The following SYT1 variants were observed in gnomAD, a reference collection of about 807,000 sequenced individuals.
The protein encoded by SYT1 is synaptotagmin-1.
A neutral mutation model predicts 44.8 loss-of-function variants in SYT1; 8 were observed. The ratio of observed to expected loss-of-function variants is 0.18; its 90% CI spans 0.10 to 0.32. SYT1 has a LOEUF of 0.32. Ranked by LOEUF, SYT1 falls within the 10% of genes least tolerant of loss-of-function variation. SYT1 has a pLI of 1.00. For missense variants in SYT1, 286 were observed against 509.3 expected (o/e 0.56, Z 4.22); for synonymous variants, 154 against 188.8 (o/e 0.82, Z 1.51).
chr12:79,389,889 G>GA (rs1884583586), intron 9 of SYT1, among the ~76,000 whole-genome samples: 1 of 151,782 alleles, frequency 6.6e-6, no homozygotes, highest in Admixed American at 6.6e-5. Flanking sequence ...ATGTCACTAA[G>GA]AACAAAGGAA....
intron 3 of SYT1, among the ~76,000 whole-genome samples, chr12:79,203,617 C>T (rs567808232): frequency 6.6e-6 from 1 of 152,034 alleles, no homozygotes; most frequent in Admixed American, 6.6e-5. Context: ...CTCCCCAAAG[C>T]AGTACTTGTC....
At chr12:78,997,021 A>G (rs1036163813) in intron 2 of SYT1, among the ~76,000 whole-genome samples, 2 of 152,194 alleles carry the variant, frequency 1.3e-5, no homozygotes, top group African/African-American at 4.8e-5. Context: ...AGAGAGAGGG[A>G]TCAAAAGCAA....
At chr12:79,426,737 TA>T (rs1362011063) in intron 9 of SYT1, among the ~76,000 whole-genome samples, 1 of 152,244 alleles carries the variant, frequency 6.6e-6, no homozygotes, top group African/African-American at 2.4e-5. Flanking sequence ...TAACATTTTT[TA>T]AAAGGTTTCT....
intron 2 of SYT1, among the ~76,000 whole-genome samples, chr12:79,005,320 T>C (rs1871006838): frequency 6.6e-6 from 1 of 151,952 alleles, no homozygotes; most frequent in Non-Finnish European, 1.5e-5. Flanking sequence ...TATTTATTAA[T>C]AGAAAGTATA....
chr12:79,082,044 C>G (rs1331151582), intron 3 of SYT1, among the ~76,000 whole-genome samples: 1 of 152,128 alleles, frequency 6.6e-6, no homozygotes, highest in Admixed American at 6.5e-5. Flanking sequence ...CCTACTGAAA[C>G]TATTGTGGCC....
chr12:78,993,409 G>A (rs184274142), intron 2 of SYT1, among the ~76,000 whole-genome samples: 6 of 152,292 alleles, frequency 3.9e-5, no homozygotes, highest in Non-Finnish European at 1.5e-5. Context: ...TCAAGTTGAT[G>A]CATCAAGGCA....
chr12:79,405,121 T>C (rs1003018507), intron 9 of SYT1, among the ~76,000 whole-genome samples: 1 of 152,200 alleles, frequency 6.6e-6, no homozygotes, highest in Non-Finnish European at 1.5e-5. Flanking sequence ...CATTTTTAAA[T>C]AAACAGAATG....
intron 5 of SYT1, among the ~76,000 whole-genome samples, chr12:79,286,348 AT>A (rs1400236214): frequency 6.6e-6 from 1 of 152,166 alleles, no homozygotes; most frequent in Non-Finnish European, 1.5e-5. Flanking sequence ...GATCTTTCTA[AT>A]TTCTACTGTT....
intron 1 of SYT1, among the ~76,000 whole-genome samples, chr12:78,943,007 CAT>C (rs934681967): frequency 1.3e-5 from 2 of 152,200 alleles, no homozygotes; most frequent in African/African-American, 4.8e-5. Context: ...ATATTTTCCA[CAT>C]CACTCTCTGT....
chr12:79,151,435 A>G (rs1191306994), intron 3 of SYT1, among the ~76,000 whole-genome samples: 26 of 152,218 alleles, frequency 1.7e-4, no homozygotes. Context: ...TACCTAACCT[A>G]GAAAGACAGG....
chr12:79,249,262 GC>G (rs1386370570), intron 4 of SYT1, among the ~76,000 whole-genome samples: 16 of 151,192 alleles, frequency 1.1e-4, no homozygotes, highest in Non-Finnish European at 2.2e-4. Context: ...CCGCCACCGC[GC>G]CCGGCTAATT....
intron 9 of SYT1, among the ~76,000 whole-genome samples, chr12:79,373,103 TTA>T (rs1883857643): frequency 6.6e-6 from 1 of 152,194 alleles, no homozygotes; most frequent in African/African-American, 2.4e-5. Context: ...TTTCTCAAAA[TTA>T]TATCTCTTTT....
At chr12:78,879,173 A>G (rs922776870) in intron 1 of SYT1, among the ~76,000 whole-genome samples, 12 of 151,750 alleles carry the variant, frequency 7.9e-5, no homozygotes, top group African/African-American at 2.9e-4. Context: ...TTCTGCAAAC[A>G]CATGAGAGTG....
chr12:79,029,423 T>A (rs1359351633), intron 2 of SYT1, among the ~76,000 whole-genome samples: 7 of 149,918 alleles, frequency 4.7e-5, no homozygotes, highest in Non-Finnish European at 1.0e-4. Context: ...AGCAAATATA[T>A]TTTTTCAATG....
intron 8 of SYT1, among the ~76,000 whole-genome samples, chr12:79,313,170 A>G (rs564919561): frequency 5.9e-5 from 9 of 152,126 alleles, no homozygotes; most frequent in African/African-American, 2.2e-4. Context: ...GTGTAGATTT[A>G]CAATCTACAT....
intron 8 of SYT1, among the ~76,000 whole-genome samples, chr12:79,307,208 A>G (rs1880439135): frequency 6.6e-6 from 1 of 152,186 alleles, no homozygotes; most frequent in South Asian, 2.1e-4. Flanking sequence ...TAGTTGTACT[A>G]CAGAATAAGG....
At chr12:79,016,506 T>C (rs949730) in intron 2 of SYT1, among the ~76,000 whole-genome samples, 33,915 of 152,032 alleles carry the variant, frequency 0.22, 4,789 homozygotes, top group South Asian at 0.4. Context: ...TTAAACTACA[T>C]AGAGGTTAGT....
At chr12:78,955,775 T>C (rs1879178312) in intron 1 of SYT1, among the ~76,000 whole-genome samples, 1 of 151,086 alleles carries the variant, frequency 6.6e-6, no homozygotes, top group South Asian at 2.1e-4. Context: ...TCTGGGTCCA[T>C]GCGTTTTATT....
At chr12:79,224,748 TTTTTTA>T (rs1336065069) in intron 4 of SYT1, among the ~76,000 whole-genome samples, 3,621 of 20,802 alleles carry the variant, frequency 0.17, 110 homozygotes, top group African/African-American at 0.37. Flanking sequence ...TATTTATTTA[TTTTTTA>T]TTATTATTAT....
Sources: gnomAD v4.1 joint callset for allele counts (sites outside exome capture counted in the v4.1 genomes callset) on GRCh38, gnomAD v4.1.1 for gene constraint, MANE v1.5 for transcripts, NCBI Gene and HGNC (gene_info 2026-07-23, HGNC 2026-07-21) for gene names.